Variants in POTEJ observed in about 807,000 individuals in gnomAD.
The protein encoded by POTEJ is POTE ankyrin domain family member J.
Under a neutral mutation model 69.0 loss-of-function variants are expected in POTEJ, and 11 were observed. The ratio of observed to expected loss-of-function variants is 0.16; its 90% CI spans 0.10 to 0.26. The LOEUF (loss-of-function observed/expected upper bound fraction) is 0.26, where lower values mean the gene tolerates loss of function less well. Ranked by LOEUF, POTEJ falls within the 10% of genes least tolerant of loss-of-function variation. The probability of loss-of-function intolerance (pLI) is 1.00; values close to 1 mark genes in which losing one functional copy is unlikely to be tolerated. For synonymous variants in POTEJ, 117 were observed against 381.1 expected (o/e 0.31, Z 8.07); for missense variants, 327 against 1,045.5 (o/e 0.31, Z 9.48).
rs535052937 is a variant in POTEJ, at chr2:130,620,639, A to G, written c.806+488A>G. Among the ~76,000 whole-genome samples, 741 of 90,728 alleles carry G rather than the reference A, an allele frequency of 8.2e-3. 138 individuals carry two copies. The highest frequency in any genetic ancestry group is 0.066 in the Middle Eastern group (14 of 212). The allele number at this position is 90,728 out of a possible 152,430, so 59.5% of individuals were successfully genotyped here. A position where few individuals can be genotyped will look rare whatever the true frequency, so the allele number is the denominator to read the frequency against. On this transcript the variant is annotated intron_variant, in intron 4 of 14. Transcript: ENST00000409602. ...ATTAATGTTAGCTTATTGCTACATG[A>G]CAATTAATTGCTGTTCCCACATACT...
Position 130,640,315 on chromosome 2 carries a change from C to T in POTEJ, c.1369+1626C>T, listed in dbSNP as rs540483340. Among the ~76,000 whole-genome samples, 103 of 141,994 alleles carry T rather than the reference C, an allele frequency of 7.3e-4. 5 individuals carry two copies. Among genetic ancestry groups the T allele is most frequent in the Middle Eastern group, 3.5e-3 (1 of 284 alleles). The allele number at this position is 141,994 out of a possible 152,430, so 93.2% of individuals were successfully genotyped here. A position where few individuals can be genotyped will look rare whatever the true frequency, so the allele number is the denominator to read the frequency against. On this transcript the variant is annotated intron_variant, in intron 10 of 14. Transcript: ENST00000409602. ...TTGGTATTACCAAAAGTGTGAGATA[C>T]CAGAGGTTGGGAGTGAGGTGAATAC...
intron 13 of POTEJ, among the ~76,000 whole-genome samples, chr2:130,650,112 A>T (rs1432617139): frequency 0.014 from 1,981 of 144,884 alleles, 6 homozygotes; most frequent in African/African-American, 0.054. Flanking sequence ...GATGCTCTCT[A>T]ACGTAATTGA....
At chr2:130,613,280 GTATATA>G (rs1220376524) in intron 1 of POTEJ, among the ~76,000 whole-genome samples, 12 of 47,184 alleles carry the variant, frequency 2.5e-4, no homozygotes, top group African/African-American at 2.5e-3. Flanking sequence ...ATATACATAT[GTATATA>G]TACATATATA....
intron 9 of POTEJ, among the ~76,000 whole-genome samples, chr2:130,636,745 T>A (rs1388341541): frequency 6.7e-6 from 1 of 148,220 alleles, no homozygotes; most frequent in African/African-American, 2.5e-5. Context: ...ACTTGTTAAA[T>A]AAGTGAATGG....
chr2:130,622,613 G>A (rs1181672803), intron 5 of POTEJ, among the ~76,000 whole-genome samples: 6 of 138,904 alleles, frequency 4.3e-5, no homozygotes, highest in Non-Finnish European at 7.8e-5. Context: ...CCCCTGAGCA[G>A]TGGCTCCCAG....
chr2:130,648,223 G>C (rs1333301359), intron 13 of POTEJ, among the ~76,000 whole-genome samples: 1 of 145,810 alleles, frequency 6.9e-6, no homozygotes, highest in Non-Finnish European at 1.5e-5. Context: ...TTAAAACCTT[G>C]GTCTGACATT....
intron 9 of POTEJ, among the ~76,000 whole-genome samples, chr2:130,634,144 A>G (rs551219674): frequency 2.6e-3 from 400 of 152,306 alleles, no homozygotes; most frequent in Non-Finnish European, 4.9e-3. Context: ...TTACAAAAAC[A>G]GGCAGTGGGC....
intron 1 of POTEJ, among the ~76,000 whole-genome samples, chr2:130,613,335 T>C (rs182556119): frequency 7.7e-6 from 1 of 130,132 alleles, no homozygotes; most frequent in African/African-American, 3.2e-5. Flanking sequence ...TATGTATATA[T>C]ACATATATAT....
intron 1 of POTEJ, among the ~76,000 whole-genome samples, chr2:130,612,734 G>T (rs1322016482): frequency 1.6e-5 from 2 of 127,610 alleles, no homozygotes; most frequent in African/African-American, 3.0e-5. Context: ...CCGCACTCCA[G>T]CCTGGGAGAC....
At chr2:130,650,049 G>A (rs1175582383) in intron 13 of POTEJ, among the ~76,000 whole-genome samples, 4 of 152,272 alleles carry the variant, frequency 2.6e-5, no homozygotes, top group African/African-American at 9.6e-5. Flanking sequence ...AAGGAATTAG[G>A]ATTGTATCAT....
chr2:130,643,610 G>C lies in POTEJ; in HGVS notation c.1370-373G>C, dbSNP rs553481978. On this transcript the variant is annotated intron_variant, in intron 10 of 14. Coordinates refer to ENST00000409602, the MANE Select transcript of POTEJ (RefSeq NM_001277083.2). ...AGGAAGATGTTGTACACTAATAAAGGTGTCAGCAGTGATTTTGGAAATCAT... is the reference window on the plus strand; with the variant it reads ...AGGAAGATGTTGTACACTAATAAAGCTGTCAGCAGTGATTTTGGAAATCAT... Among the ~76,000 whole-genome samples, 191 of 144,356 alleles carry C rather than the reference G, an allele frequency of 1.3e-3. 19 individuals are homozygous for C. The highest frequency in any genetic ancestry group is 2.2e-3 in the Non-Finnish European group (141 of 64,520). 94.7% of individuals were successfully genotyped at this position (144,356 alleles called of 152,430 possible).
intron 9 of POTEJ, among the ~76,000 whole-genome samples, chr2:130,633,661 C>T (rs554411818): frequency 6.8e-6 from 1 of 146,514 alleles, no homozygotes; most frequent in Non-Finnish European, 1.5e-5. Flanking sequence ...TGACGCTGTA[C>T]CTTGTTAGCA....
At chr2:130,619,010 AC>A in intron 3 of POTEJ, among the ~76,000 whole-genome samples, 1 of 146,718 alleles carries the variant, frequency 6.8e-6, no homozygotes, top group Admixed American at 6.8e-5. Flanking sequence ...CAAGCGATTC[AC>A]CCACCTCAGC....
At chr2:130,630,763 C>T (rs201692313) in intron 7 of POTEJ, among the ~76,000 whole-genome samples, 3,058 of 109,950 alleles carry the variant, frequency 0.028, 13 homozygotes, top group African/African-American at 0.048. Flanking sequence ...ATTAAAAAAT[C>T]TTTATCCACT....
chr2:130,649,126 A>T (rs1260012178), intron 13 of POTEJ, among the ~76,000 whole-genome samples: 1 of 147,022 alleles, frequency 6.8e-6, no homozygotes, highest in South Asian at 2.2e-4. Flanking sequence ...TATGCTAGTG[A>T]TTTCCAAATG....
intron 10 of POTEJ, among the ~76,000 whole-genome samples, chr2:130,640,037 G>A (rs1253711601): frequency 3.3e-5 from 5 of 151,168 alleles, no homozygotes; most frequent in African/African-American, 4.9e-5. Flanking sequence ...TATTGATTAT[G>A]TGCCAGACAT....
Position 130,611,475 on chromosome 2 carries a change from C to A in POTEJ, c.-58C>A. 1.7e-6 allele frequency: 1 copy of A among 588,174 alleles called. No individual in the cohort carries two copies. Among genetic ancestry groups the A allele is most frequent in the East Asian group, 2.9e-5 (1 of 34,430 alleles). 36.4% of individuals were successfully genotyped at this position (588,174 alleles called of 1,614,324 possible). On this transcript the variant is annotated 5_prime_UTR_variant, in exon 1 of 15. It adds an upstream start codon to the 5' untranslated region. Transcript: ENST00000409602. ...CGGAGTTACCTGCTAGTTGGTGAAACTGGTTGGTAGACGTGATCTGCTCGC... is the reference window on the plus strand; with the variant it reads ...CGGAGTTACCTGCTAGTTGGTGAAAATGGTTGGTAGACGTGATCTGCTCGC...
chr2:130,611,103 CTGCT>C (rs1685192708), upstream of POTEJ, among the ~76,000 whole-genome samples: 2 of 150,020 alleles, frequency 1.3e-5, no homozygotes, highest in African/African-American at 4.9e-5. Flanking sequence ...ACGCGGGTAA[CTGCT>C]TGGCTGGCCT....
intron 14 of POTEJ, among the ~76,000 whole-genome samples, chr2:130,656,285 G>A (rs1214654438): frequency 3.6e-5 from 5 of 139,710 alleles, no homozygotes; most frequent in South Asian, 2.2e-4. Context: ...ATTTTTCATC[G>A]TCTTTAAATA....
Sources: allele counts gnomAD v4.1 joint callset (sites outside exome capture counted in the v4.1 genomes callset), GRCh38; gene constraint gnomAD v4.1.1; transcripts MANE v1.5; gene names NCBI Gene and HGNC (gene_info 2026-07-23, HGNC 2026-07-21).